FSTL4: variants seen among roughly 807,000 people sequenced by gnomAD.
FSTL4 encodes follistatin-related protein 4.
FSTL4 carries 28 observed loss-of-function variants against 78.2 expected under a neutral mutation model. The observed-to-expected ratio is 0.36, with a 90% CI of 0.27 to 0.49. The LOEUF (loss-of-function observed/expected upper bound fraction) is 0.49. Ranked by LOEUF, FSTL4 falls within the 20% of genes least tolerant of loss-of-function variation. FSTL4 has a pLI of 0.98. For synonymous variants in FSTL4, 422 were observed against 440.5 expected, an observed-to-expected ratio of 0.96 and a Z score of 0.53; for missense variants, 922 against 1,084.9, an observed-to-expected ratio of 0.85 and a Z score of 2.11.
intron 3 of FSTL4, among the ~76,000 whole-genome samples, chr5:133,504,442 T>C (rs185445949): frequency 4.9e-4 from 74 of 152,272 alleles, no homozygotes; most frequent in East Asian, 5.9e-4. Flanking sequence ...GTTATTATAG[T>C]AGTTTCCTAA....
chr5:133,811,135 C>T, the FSTL4 span, among the ~76,000 whole-genome samples: 1 of 152,154 alleles, frequency 6.6e-6, no homozygotes, highest in Non-Finnish European at 1.5e-5. Flanking sequence ...CTCTATTTCC[C>T]TTATGCACCC....
At chr5:133,627,151 CTTTT>C in the FSTL4 span, among the ~76,000 whole-genome samples, 2 of 93,002 alleles carry the variant, frequency 2.2e-5, no homozygotes, top group Middle Eastern at 8.8e-3. Flanking sequence ...CTCTGTGTCT[CTTTT>C]TTTTTTTTTT....
At chr5:133,427,742 A>G (rs770829952) in intron 3 of FSTL4, 1 of 498,778 alleles carries the variant, frequency 2.0e-6, no homozygotes, top group Admixed American at 2.0e-5. Context: ...CTTAGATCAC[A>G]TGTTGAGAAG....
At chr5:133,388,108 T>A (rs1207057584) in intron 4 of FSTL4, 1 of 152,246 alleles carries the variant, frequency 6.6e-6, no homozygotes, top group East Asian at 1.9e-4. Flanking sequence ...CATTTACCCT[T>A]TGCAATTTTT....
intron 8 of FSTL4, among the ~76,000 whole-genome samples, chr5:133,226,894 G>C (rs1251726026): frequency 4.7e-5 from 7 of 149,300 alleles, no homozygotes; most frequent in Admixed American, 4.6e-4. Flanking sequence ...GGACCTGAGT[G>C]GGGTAGAATT....
chr5:133,623,248 C>T, the FSTL4 span, among the ~76,000 whole-genome samples: 10 of 152,064 alleles, frequency 6.6e-5, no homozygotes, highest in Non-Finnish European at 1.3e-4. Context: ...AGGGCTCACA[C>T]TTCAACGCTT....
intron 4 of FSTL4, among the ~76,000 whole-genome samples, chr5:133,379,182 A>G (rs1402165736): frequency 6.6e-6 from 1 of 152,168 alleles, no homozygotes; most frequent in East Asian, 1.9e-4. Flanking sequence ...AACAGATAAT[A>G]ATAAAAGGGC....
the FSTL4 span, among the ~76,000 whole-genome samples, chr5:133,839,741 A>G: frequency 6.6e-6 from 1 of 152,354 alleles, no homozygotes; most frequent in South Asian, 2.1e-4. Flanking sequence ...GCTGAGTGGT[A>G]TGCTTTTTTG....
the FSTL4 span, among the ~76,000 whole-genome samples, chr5:133,627,240 T>G: frequency 4.0e-5 from 6 of 151,578 alleles, no homozygotes; most frequent in Non-Finnish European, 7.4e-5. Context: ...ACTGTGGAAT[T>G]TATAAAGAAA....
At position 133,225,731 on chromosome 5, in the gene FSTL4, G is replaced by A. The variant is rs370289149; in HGVS notation, c.1104C>T (p.Pro368=). ...ASLRCHAEGI[P]MPRITWLKNG... is the part of the protein sequence containing the mutation. ...TTTTCAGCCAAGTGATTCTGGGCAT[G>A]GGAATGCCCTCAGCATGGCATCTTA... The change falls in exon 9 of 16, where the codon CCC becomes CCT. Residue 368 remains proline, a synonymous_variant. Transcript: ENST00000265342. This position sits in a 1 kb window ranked among gnomAD's most constrained non-coding sequence, Gnocchi z 4.6. 3.0e-5 allele frequency: 49 copies of A among 1,611,032 alleles called. No individual in the cohort carries two copies. Among genetic ancestry groups the A allele is most frequent in the Non-Finnish European group, 3.1e-5 (37 of 1,177,896 alleles).
At chr5:133,623,236 A>G in the FSTL4 span, among the ~76,000 whole-genome samples, 1 of 152,082 alleles carries the variant, frequency 6.6e-6, no homozygotes, top group African/African-American at 2.4e-5. Flanking sequence ...GAACAAAGTC[A>G]AAGGGCTCAC....
intron 6 of FSTL4, among the ~76,000 whole-genome samples, chr5:133,295,945 T>C (rs1008514890): frequency 6.6e-6 from 1 of 152,218 alleles, no homozygotes; most frequent in East Asian, 1.9e-4. Flanking sequence ...TTAAATGCTG[T>C]CAGTATGCTA....
At position 133,286,607 on chromosome 5, in the gene FSTL4, A is replaced by T. The variant is rs76722911; in HGVS notation, c.727+26047T>A. ...CTCTGGAGCCCATGGATGTTGCCCC[A>T]GCTGGAGGCCACATCATCACATTGG... On this transcript the variant is annotated intron_variant, in intron 6 of 15. Transcript: ENST00000265342. Among the ~76,000 whole-genome samples the T allele has an allele frequency of 1.6e-3, 238 of 152,264 alleles. 1 individual carries two copies. The East Asian group carries it at 0.042, about 27-fold the overall frequency.
At chr5:133,720,239 C>T in the FSTL4 span, among the ~76,000 whole-genome samples, 1 of 152,076 alleles carries the variant, frequency 6.6e-6, no homozygotes, top group Non-Finnish European at 1.5e-5. Context: ...TAATAAAGTC[C>T]TTTGGAATGC....
the FSTL4 span, among the ~76,000 whole-genome samples, chr5:133,751,305 G>C: frequency 4.6e-5 from 7 of 152,222 alleles, no homozygotes; most frequent in African/African-American, 1.7e-4. Context: ...AGACATTCTG[G>C]AAGAAAATGT....
the FSTL4 span, among the ~76,000 whole-genome samples, chr5:133,647,292 G>A: frequency 1.3e-5 from 2 of 152,160 alleles, no homozygotes; most frequent in Admixed American, 6.5e-5. Context: ...AATCACTGAT[G>A]TTTTAGCCAA....
In FSTL4 at chr5:133,466,402, T is replaced by C. The variant is rs553530775; in HGVS notation, c.161-65416A>G. Among the ~76,000 whole-genome samples the C allele has an allele frequency of 6.4e-3, 971 of 152,020 alleles. 4 individuals carry two copies. The highest frequency in any genetic ancestry group is 0.021 in the African/African-American group (890 of 41,424). Reference sequence around the variant, plus strand: ...CTAAAAATACAAAAAATTAGCCGGGTGCGGTGGCAGGCGCCTGTAGTCCCA... The same window carrying C: ...CTAAAAATACAAAAAATTAGCCGGGCGCGGTGGCAGGCGCCTGTAGTCCCA... On this transcript the variant is annotated intron_variant, in intron 3 of 15. Coordinates refer to ENST00000265342, the MANE Select transcript of FSTL4 (RefSeq NM_015082.2).
At chr5:133,643,047 T>A in the FSTL4 span, among the ~76,000 whole-genome samples, 73 of 152,330 alleles carry the variant, frequency 4.8e-4, no homozygotes, top group African/African-American at 1.7e-3. Flanking sequence ...ATATTTAACT[T>A]CCAAACATCT....
chr5:133,379,230 C>T (rs1227142050), intron 4 of FSTL4, among the ~76,000 whole-genome samples: 1 of 151,954 alleles, frequency 6.6e-6, no homozygotes, highest in Admixed American at 6.6e-5. Flanking sequence ...TAGACATATA[C>T]ACATCTAACA....
Sources: gnomAD v4.1 joint callset for allele counts (sites outside exome capture counted in the v4.1 genomes callset) on GRCh38, gnomAD v4.1.1 for gene constraint, Gnocchi (gnomAD v3.1) non-coding constraint, MANE v1.5 for transcripts, NCBI Gene and HGNC (gene_info 2026-07-23, HGNC 2026-07-21) for gene names.